The following DCC variants were observed in gnomAD, a reference collection of about 807,000 sequenced individuals.
DCC encodes DCC netrin 1 receptor, also known as netrin receptor DCC.
DCC carries 58 observed loss-of-function variants against 172.5 expected under a neutral mutation model. The observed-to-expected ratio is 0.34, with a 90% CI of 0.27 to 0.42. The LOEUF is 0.42. Among genes scored for constraint, DCC ranks in the 10% least tolerant of loss-of-function variants. The pLI is 1.00. For synonymous variants in DCC, 709 were observed against 644.5 expected (o/e 1.10, Z -1.52); for missense variants, 1,740 against 1,791.0 (o/e 0.97, Z 0.51).
chr18:53,337,449 C>G (rs1482501029), intron 14 of DCC, among the ~76,000 whole-genome samples: 2 of 152,186 alleles, frequency 1.3e-5, no homozygotes, highest in Non-Finnish European at 2.9e-5. Flanking sequence ...ATTAATCCAT[C>G]CTTTTCATCT....
At chr18:52,356,411 C>A (rs958962395) in intron 1 of DCC, among the ~76,000 whole-genome samples, 2 of 152,064 alleles carry the variant, frequency 1.3e-5, no homozygotes, top group Admixed American at 1.3e-4. Flanking sequence ...ATTACTAATG[C>A]GTAAAGGGTG....
chr18:53,407,300 T>C (rs1323692137), intron 19 of DCC, among the ~76,000 whole-genome samples: 1 of 151,846 alleles, frequency 6.6e-6, no homozygotes, highest in Non-Finnish European at 1.5e-5. Flanking sequence ...GCTAAAGGAT[T>C]TCATTCAATA....
chr18:52,483,936 A>G (rs1378150418), intron 1 of DCC, among the ~76,000 whole-genome samples: 1 of 151,938 alleles, frequency 6.6e-6, no homozygotes. Context: ...GAGATCTCTT[A>G]AGTTCATTTT....
chr18:52,563,161 A>C (rs1410363050), intron 1 of DCC, among the ~76,000 whole-genome samples: 2 of 152,180 alleles, frequency 1.3e-5, no homozygotes, highest in Non-Finnish European at 2.9e-5. Context: ...AAAGGAAGGA[A>C]GTCAAGATTG....
chr18:53,307,239 C>T (rs745691696), intron 13 of DCC, among the ~76,000 whole-genome samples: 6 of 152,186 alleles, frequency 3.9e-5, no homozygotes, highest in East Asian at 1.9e-4. Flanking sequence ...TTGAATCTAA[C>T]GGAAAGTTTA....
At chr18:53,202,214 T>C (rs1285617141) in intron 9 of DCC, among the ~76,000 whole-genome samples, 1 of 151,980 alleles carries the variant, frequency 6.6e-6, no homozygotes, top group Non-Finnish European at 1.5e-5. Context: ...TGAGGCAAGA[T>C]CAAGATGAGC....
chr18:53,351,322 A>G (rs1487807904), intron 15 of DCC, among the ~76,000 whole-genome samples: 8 of 42,146 alleles, frequency 1.9e-4, no homozygotes, highest in African/African-American at 3.3e-4. Context: ...TATACACTGT[A>G]TATATATATA....
At chr18:52,384,990 C>G (rs997828449) in intron 1 of DCC, among the ~76,000 whole-genome samples, 2 of 152,076 alleles carry the variant, frequency 1.3e-5, no homozygotes, top group Non-Finnish European at 2.9e-5. Flanking sequence ...TGGAATAGCT[C>G]TCTATATAAT....
chr18:52,409,866 T>C (rs531175657), intron 1 of DCC, among the ~76,000 whole-genome samples: 1 of 152,130 alleles, frequency 6.6e-6, no homozygotes, highest in Non-Finnish European at 1.5e-5. Flanking sequence ...AAACTGAAAG[T>C]AATAAAGGTG....
At chr18:52,428,345 C>A (rs1352994882) in intron 1 of DCC, among the ~76,000 whole-genome samples, 1 of 151,942 alleles carries the variant, frequency 6.6e-6, no homozygotes, top group Non-Finnish European at 1.5e-5. Flanking sequence ...TCCGTTAGTA[C>A]AAGAAAAGTA....
intron 12 of DCC, among the ~76,000 whole-genome samples, chr18:53,253,246 CT>C (rs2056462296): frequency 6.6e-6 from 1 of 151,966 alleles, no homozygotes; most frequent in African/African-American, 2.4e-5. Context: ...CGTCCACCCC[CT>C]CTTCCTATAC....
At chr18:53,233,530 G>T (rs1427181406) in intron 12 of DCC, among the ~76,000 whole-genome samples, 4 of 151,958 alleles carry the variant, frequency 2.6e-5, no homozygotes, top group Non-Finnish European at 4.4e-5. Flanking sequence ...GCGGTTTCAA[G>T]GTCAACATAT....
intron 8 of DCC, among the ~76,000 whole-genome samples, chr18:53,178,595 G>A (rs1025616720): frequency 2.0e-5 from 3 of 152,082 alleles, no homozygotes; most frequent in Non-Finnish European, 2.9e-5. Context: ...GTCATTAGCC[G>A]GATGTTTACA....
intron 22 of DCC, among the ~76,000 whole-genome samples, chr18:53,441,055 TC>T (rs1169068099): frequency 6.6e-6 from 1 of 152,186 alleles, no homozygotes; most frequent in African/African-American, 2.4e-5. Flanking sequence ...ATATCTCCTC[TC>T]CTCCATGTTG....
intron 13 of DCC, among the ~76,000 whole-genome samples, chr18:53,317,692 G>C (rs868781100): frequency 1.3e-5 from 2 of 152,132 alleles, no homozygotes; most frequent in African/African-American, 4.8e-5. Context: ...CTTCTTCCTG[G>C]TTTAGTCTTG....
chr18:52,858,038 G>C (rs541096847), intron 2 of DCC, among the ~76,000 whole-genome samples: 8 of 152,264 alleles, frequency 5.3e-5, no homozygotes, highest in African/African-American at 1.9e-4. Context: ...TTCATTGCTG[G>C]AACCTCATCC....
chr18:53,310,072 T>G (rs2057248665), intron 13 of DCC, among the ~76,000 whole-genome samples: 1 of 151,452 alleles, frequency 6.6e-6, no homozygotes, highest in Non-Finnish European at 1.5e-5. Flanking sequence ...GGAAAATCGT[T>G]CCCTCCTCTC....
intron 17 of DCC, among the ~76,000 whole-genome samples, chr18:53,395,150 C>A (rs1460708789): frequency 1.0e-3 from 127 of 125,126 alleles, no homozygotes; most frequent in African/African-American, 1.2e-3. Flanking sequence ...AACTCCATCT[C>A]AAAAAAAAAA....
At chr18:52,381,369 G>GA (rs1360496701) in intron 1 of DCC, among the ~76,000 whole-genome samples, 1 of 152,116 alleles carries the variant, frequency 6.6e-6, no homozygotes, top group Non-Finnish European at 1.5e-5. Flanking sequence ...TATGCTGAAA[G>GA]AAAACCTTAT....
Sources: gnomAD v4.1 joint callset for allele counts (sites outside exome capture counted in the v4.1 genomes callset) on GRCh38, gnomAD v4.1.1 for gene constraint, MANE v1.5 for transcripts, NCBI Gene and HGNC (gene_info 2026-07-23, HGNC 2026-07-21) for gene names.